SETD5: variants seen among roughly 807,000 people sequenced by gnomAD.
SETD5 encodes histone-lysine N-methyltransferase SETD5.
In SETD5, 44 loss-of-function variants were observed where a neutral mutation model predicts 153.3. The ratio of observed to expected loss-of-function variants is 0.29; its 90% CI spans 0.23 to 0.37. The LOEUF (loss-of-function observed/expected upper bound fraction) is 0.37, where lower values mean the gene tolerates loss of function less well. SETD5 is among the 10% of genes least tolerant of loss of function. SETD5 has a pLI of 1.00. For missense variants in SETD5, 1,544 were observed against 1,768.0 expected (o/e 0.87, Z 2.27); for synonymous variants, 716 against 645.2 (o/e 1.11, Z -1.66).
intron 8 of SETD5, 145 bp downstream of exon 8, chr3:9,440,843 A>G: frequency 9.7e-7 from 1 of 1,026,960 alleles, no homozygotes. Flanking sequence ...TATGTAACCA[A>G]AAGTAGGTTA....
rs1209419579 is a variant in SETD5 at position 9,434,208 on chromosome 3, T to G, written c.178-126T>G. 2.5e-5 allele frequency: 38 copies of G among 1,549,944 alleles called. No individual in the cohort carries two copies. The highest frequency in any genetic ancestry group is 3.3e-5 in the Non-Finnish European group (38 of 1,141,390). ...TACTACTTTCTTCTTTCTTTCCATA[T>G]GTACCATACTTTAGGGGAGAGAGGG... On this transcript the variant is annotated intron_variant, in intron 4 of 22. Transcript: ENST00000402198. The surrounding 1 kb of genome is among the most constrained non-coding windows in gnomAD (Gnocchi z 5.6).
rs79599376 is a variant in SETD5, at chr3:9,408,228, C to G, written c.-177+10251C>G. On this transcript the variant is annotated intron_variant, in intron 1 of 22. Transcript: ENST00000402198. ...TTTTCTTGATAGAGCTCTTCTTATT[C>G]TGGAGTCTCCTGTGCTGCGATTTAT... Among the ~76,000 whole-genome samples, 652 of 152,300 alleles carry G rather than the reference C, an allele frequency of 4.3e-3. 6 individuals are homozygous for G. The highest frequency in any genetic ancestry group is 0.015 in the African/African-American group (630 of 41,560).
chr3:9,474,410 A>C, intron 20 of SETD5, 39 bp from the exon 21 acceptor site: 1 of 1,604,858 alleles, frequency 6.2e-7, no homozygotes. Flanking sequence ...GTTTTGGTTA[A>C]GTCCTGTGGC....
intron 18 of SETD5, among the ~76,000 whole-genome samples, chr3:9,467,089 C>T (rs1372459672): frequency 1.3e-5 from 2 of 150,624 alleles, no homozygotes; most frequent in Admixed American, 1.3e-4. Context: ...ATCCCAGCTA[C>T]TCGGGAGGCC....
At chr3:9,431,824 TC>T in intron 3 of SETD5, 2 of 687,472 alleles carry the variant, frequency 2.9e-6, no homozygotes, top group Non-Finnish European at 3.6e-6. Flanking sequence ...CTTTTTCCTG[TC>T]CCCCTCCCAC....
intron 2 of SETD5, among the ~76,000 whole-genome samples, 153 bp from the exon 3 acceptor site, chr3:9,428,670 A>T (rs1414630357): frequency 6.6e-6 from 1 of 152,246 alleles, no homozygotes; most frequent in Non-Finnish European, 1.5e-5. Context: ...CATAGTAAAC[A>T]TGGGACACTG....
At chr3:9,474,708 G>T in intron 21 of SETD5, 126 bp downstream of exon 21, 1 of 1,319,386 alleles carries the variant, frequency 7.6e-7, no homozygotes, top group South Asian at 1.4e-5. Flanking sequence ...CCGCATGCTA[G>T]GTTCCAGCCC....
At chr3:9,407,729 G>A (rs747074021) in intron 1 of SETD5, among the ~76,000 whole-genome samples, 6 of 152,070 alleles carry the variant, frequency 3.9e-5, no homozygotes, top group African/African-American at 9.7e-5. Context: ...GGCTGGGTGC[G>A]GTGGCTCATG....
chr3:9,474,302 G>A (rs1429132660), intron 20 of SETD5, 147 bp from the exon 21 acceptor site: 6 of 790,728 alleles, frequency 7.6e-6, no homozygotes, highest in Non-Finnish European at 1.1e-5. Context: ...CATAGTTGGA[G>A]GCAGAGGAAA....
Position 9,448,647 on chromosome 3 carries a change from G to A in SETD5, c.2346+17G>A. The A allele has an allele frequency of 1.3e-6, 2 of 1,534,350 alleles. No individual in the cohort carries two copies. The highest frequency in any genetic ancestry group is 1.8e-6 in the Non-Finnish European group (2 of 1,139,122). On this transcript the variant is annotated intron_variant, in intron 16 of 22. Transcript: ENST00000402198. ...TGTAAGAAGGTATGTCTGTGTTTTT[G>A]TGTGTGTGTTGTGTTTATGTGTGTG...
intron 8 of SETD5, among the ~76,000 whole-genome samples, 162 bp from the exon 9 acceptor site, chr3:9,441,431 T>C (rs1407010923): frequency 6.6e-6 from 1 of 152,064 alleles, no homozygotes; most frequent in Non-Finnish European, 1.5e-5. Flanking sequence ...CTTAGAAAAA[T>C]TGAGCTTTCA....
intron 18 of SETD5, among the ~76,000 whole-genome samples, chr3:9,467,538 A>AT (rs2044756736): frequency 6.6e-6 from 1 of 152,042 alleles, no homozygotes; most frequent in Non-Finnish European, 1.5e-5. Context: ...GCCAAGTAAA[A>AT]TTCACAGCCA....
At chr3:9,469,742 TG>T (rs1031847725) in intron 18 of SETD5, among the ~76,000 whole-genome samples, 2 of 152,084 alleles carry the variant, frequency 1.3e-5, no homozygotes, top group African/African-American at 4.8e-5. Flanking sequence ...AAATAGTAGG[TG>T]GGGTTTATTT....
chr3:9,406,835 C>A (rs2035782996), intron 1 of SETD5, among the ~76,000 whole-genome samples: 1 of 152,128 alleles, frequency 6.6e-6, no homozygotes, highest in Non-Finnish European at 1.5e-5. Flanking sequence ...AATTGTTACA[C>A]ATTTTAATAT....
intron 21 of SETD5, 28 bp from the exon 22 acceptor site, chr3:9,475,040 A>G (rs776402581): frequency 1.6e-5 from 24 of 1,525,186 alleles, no homozygotes; most frequent in Non-Finnish European, 1.9e-5. Context: ...AGCCAAGTTG[A>G]TTTTTTTTTA....
chr3:9,471,676 A>G (rs1344249643), intron 19 of SETD5, among the ~76,000 whole-genome samples: 2 of 152,328 alleles, frequency 1.3e-5, no homozygotes, highest in South Asian at 4.1e-4. Context: ...ATGCCTGATC[A>G]AGAAGTCACA....
intron 13 of SETD5, 86 bp from the exon 14 acceptor site, chr3:9,446,964 A>G: frequency 3.2e-6 from 3 of 950,888 alleles, no homozygotes; most frequent in South Asian, 1.9e-5. Context: ...GAATTTCTGT[A>G]AATTTCCATT....
At chr3:9,435,425 AT>A (rs1349491042) in intron 6 of SETD5, among the ~76,000 whole-genome samples, 4 of 152,194 alleles carry the variant, frequency 2.6e-5, no homozygotes, top group African/African-American at 9.6e-5. Flanking sequence ...CACAAAAAAT[AT>A]GGATTCCTGT....
At position 9,433,898 on chromosome 3, in the gene SETD5, C is replaced by G. The variant is rs776998400; in HGVS notation, c.125C>G (p.Thr42Ser). The G allele has an allele frequency of 1.2e-6, 2 of 1,613,930 alleles. No individual in the cohort carries two copies. The highest frequency in any genetic ancestry group is 1.7e-6 in the Non-Finnish European group (2 of 1,179,852). Residue 42 changes from threonine to serine, a missense_variant, in exon 4 of 23, where the codon ACT becomes AGT. Transcript: ENST00000402198. ...PAVNEKSVYS[T>S]HNYGTTQRHG... ...GTTAATGAGAAGAGCGTGTATTCCA[C>G]TCATAATTATGGGACCACTCAGAGG...
Sources: allele counts gnomAD v4.1 joint callset (sites outside exome capture counted in the v4.1 genomes callset), GRCh38; gene constraint gnomAD v4.1.1; non-coding constraint Gnocchi (gnomAD v3.1); transcripts MANE v1.5; gene names NCBI Gene and HGNC (gene_info 2026-07-23, HGNC 2026-07-21).